RCOR1: variants seen among roughly 807,000 people sequenced by gnomAD.
The protein encoded by RCOR1 is REST corepressor.
In RCOR1, 12 loss-of-function variants were observed where a neutral mutation model predicts 64.0. The observed-to-expected ratio is 0.19, with a 90% CI of 0.12 to 0.30. RCOR1 has a LOEUF of 0.30. Among genes scored for constraint, RCOR1 ranks in the 10% least tolerant of loss-of-function variants. The probability of loss-of-function intolerance (pLI) is 1.00; values close to 1 mark genes in which losing one functional copy is unlikely to be tolerated. For missense variants in RCOR1, 502 were observed against 621.2 expected (o/e 0.81, Z 2.04); for synonymous variants, 279 against 227.2 (o/e 1.23, Z -2.05).
intron 2 of RCOR1, among the ~76,000 whole-genome samples, chr14:102,663,763 G>A (rs756866739): frequency 6.6e-5 from 10 of 152,170 alleles, no homozygotes; most frequent in Non-Finnish European, 1.3e-4. Flanking sequence ...AAATTAATTG[G>A]TCTCTGAAGT....
At chr14:102,693,111 A>G (rs928463379) in intron 3 of RCOR1, among the ~76,000 whole-genome samples, 5 of 151,990 alleles carry the variant, frequency 3.3e-5, no homozygotes, top group African/African-American at 1.2e-4. Flanking sequence ...TTTTCCTCCT[A>G]TAAATAACAC....
intron 3 of RCOR1, among the ~76,000 whole-genome samples, chr14:102,699,066 T>C (rs1400628529): frequency 6.6e-6 from 1 of 152,196 alleles, no homozygotes; most frequent in Non-Finnish European, 1.5e-5. Flanking sequence ...TTTGTATTTT[T>C]AGTAGAGATG....
At chr14:102,636,634 T>G (rs1232239541) in intron 2 of RCOR1, among the ~76,000 whole-genome samples, 2 of 152,142 alleles carry the variant, frequency 1.3e-5, no homozygotes, top group Non-Finnish European at 2.9e-5. Context: ...TATTCTCTAT[T>G]TTTTACCTTC....
At chr14:102,709,419 G>T (rs1567443216) in intron 6 of RCOR1, among the ~76,000 whole-genome samples, 1 of 152,080 alleles carries the variant, frequency 6.6e-6, no homozygotes, top group African/African-American at 2.4e-5. Context: ...CACATTTCCT[G>T]TAATATTTTT....
chr14:102,645,891 CT>C (rs1439858493), intron 2 of RCOR1, among the ~76,000 whole-genome samples: 1 of 152,162 alleles, frequency 6.6e-6, no homozygotes, highest in East Asian at 1.9e-4. Flanking sequence ...CACAAGGTCT[CT>C]GTGTGAATTT....
intron 2 of RCOR1, among the ~76,000 whole-genome samples, chr14:102,640,007 G>C (rs1342859252): frequency 1.3e-5 from 2 of 152,116 alleles, no homozygotes; most frequent in Admixed American, 6.6e-5. Context: ...CACCACACCC[G>C]GCTAATTTTG....
chr14:102,611,819 G>C (rs533500449), intron 2 of RCOR1, among the ~76,000 whole-genome samples: 1 of 152,080 alleles, frequency 6.6e-6, no homozygotes, highest in Non-Finnish European at 1.5e-5. Context: ...TGTTCCATTT[G>C]ATTCTTTTGG....
rs60090156 is a variant in RCOR1 at position 102,721,578 on chromosome 14, G to GA, written c.1189+209dup. On this transcript the variant is annotated intron_variant, in intron 10 of 11. Transcript: ENST00000262241. Reference sequence around the variant, plus strand: ...AAAAAAAAAAATTTTTTTTTTAATGGAAAAAAAAGAGCTTAGGAGCATTGG... The same window carrying GA: ...AAAAAAAAAAATTTTTTTTTTAATGGAAAAAAAAAGAGCTTAGGAGCATTGG... The GA allele has an allele frequency of 2.7e-3, 1,039 of 385,846 alleles. 10 individuals carry two copies. The highest frequency in any genetic ancestry group is 0.02 in the African/African-American group (963 of 47,864). The allele number at this position is 385,846 out of a possible 1,614,324, so 23.9% of individuals were successfully genotyped here.
chr14:102,702,255 G>C (rs1895769667), intron 4 of RCOR1, among the ~76,000 whole-genome samples: 2 of 152,118 alleles, frequency 1.3e-5, no homozygotes, highest in South Asian at 2.1e-4. Flanking sequence ...GGTCATTGAA[G>C]CTACTTTTGA....
chr14:102,697,225 TGA>T (rs542098943), intron 3 of RCOR1, among the ~76,000 whole-genome samples: 150 of 152,272 alleles, frequency 9.9e-4, no homozygotes, highest in African/African-American at 3.4e-3. Flanking sequence ...CCCAGTTAGG[TGA>T]TAACCTGGCT....
At chr14:102,663,257 G>T (rs546915086) in intron 2 of RCOR1, among the ~76,000 whole-genome samples, 2 of 152,298 alleles carry the variant, frequency 1.3e-5, no homozygotes, top group East Asian at 3.9e-4. Context: ...GTTAAATCCA[G>T]TTAAACCTCT....
At chr14:102,602,394 C>CTTTTTTTTTTTTTTTTTTTTTTTT (rs66743592) in intron 2 of RCOR1, among the ~76,000 whole-genome samples, 2 of 104,240 alleles carry the variant, frequency 1.9e-5, no homozygotes, top group African/African-American at 3.7e-5. Context: ...CTTTTCTTTT[C>CTTTTTTTTTTTTTTTTTTTTTTTT]TTTTTTTTTT....
chr14:102,730,058 T>C lies in RCOR1; in HGVS notation c.*3552T>C, dbSNP rs1896340713. The C allele has an allele frequency of 2.5e-6, 1 of 399,090 alleles. No homozygotes were observed. The highest frequency in any genetic ancestry group is 4.4e-6 in the Non-Finnish European group (1 of 226,078). The allele number at this position is 399,090 out of a possible 1,614,324, so 24.7% of individuals were successfully genotyped here. On this transcript the variant is annotated 3_prime_UTR_variant, in exon 12 of 12. Coordinates refer to ENST00000262241, the MANE Select transcript of RCOR1 (RefSeq NM_015156.4). ...TACCTGTAGTAAAGCACAATTGCAG[T>C]GGCGTCGCATTCAGAAGAAGGGAAG...
At chr14:102,658,224 C>T in intron 2 of RCOR1, among the ~76,000 whole-genome samples, 1 of 152,176 alleles carries the variant, frequency 6.6e-6, no homozygotes, top group East Asian at 1.9e-4. Flanking sequence ...ATCTACCCAC[C>T]TCGGCTTCCC....
intron 3 of RCOR1, among the ~76,000 whole-genome samples, chr14:102,694,780 T>G (rs1383286629): frequency 2.0e-5 from 3 of 152,194 alleles, no homozygotes; most frequent in Non-Finnish European, 1.5e-5. Flanking sequence ...TCATTTTGAT[T>G]CTCAGCGAGG....
At chr14:102,624,197 C>CATAA (rs909436007) in intron 2 of RCOR1, among the ~76,000 whole-genome samples, 3 of 147,248 alleles carry the variant, frequency 2.0e-5, no homozygotes, top group Non-Finnish European at 4.5e-5. Context: ...CTCCGTCTCA[C>CATAA]ATAAATAAAT....
Position 102,592,771 on chromosome 14 carries a change from G to A in RCOR1, c.-116G>A. 2.5e-6 allele frequency: 3 copies of A among 1,204,420 alleles called. No homozygotes were observed. The highest frequency in any genetic ancestry group is 3.4e-5 in the East Asian group (1 of 29,444). The allele number at this position is 1,204,420 out of a possible 1,614,324, so 74.6% of individuals were successfully genotyped here. A position where few individuals can be genotyped will look rare whatever the true frequency, so the allele number is the denominator to read the frequency against. On this transcript the variant is annotated 5_prime_UTR_variant, in exon 1 of 12. Transcript: ENST00000262241. ...CCCCGACTCGGACTCGCGCCCGTGG[G>A]CTCCCGCCGCGCCCGCCCGGCCCCG... is the stretch of plus-strand genomic sequence containing the variant.
intron 2 of RCOR1, among the ~76,000 whole-genome samples, chr14:102,598,420 C>T (rs954640373): frequency 6.6e-5 from 10 of 150,412 alleles, no homozygotes; most frequent in Admixed American, 4.6e-4. Flanking sequence ...GGATAGAGCA[C>T]GTTAGTCTTA....
At chr14:102,604,782 C>T (rs371155759) in intron 2 of RCOR1, among the ~76,000 whole-genome samples, 2 of 152,048 alleles carry the variant, frequency 1.3e-5, no homozygotes, top group African/African-American at 4.8e-5. Flanking sequence ...CCAGAATCCT[C>T]TTTAAGAGAA....
Sources: gnomAD v4.1 joint callset for allele counts (sites outside exome capture counted in the v4.1 genomes callset) on GRCh38, gnomAD v4.1.1 for gene constraint, MANE v1.5 for transcripts, NCBI Gene and HGNC (gene_info 2026-07-23, HGNC 2026-07-21) for gene names.